Variants in SIN3A observed in about 807,000 individuals in gnomAD.
SIN3A encodes the protein paired amphipathic helix protein Sin3a.
A neutral mutation model predicts 146.1 loss-of-function variants in SIN3A; 14 were observed. The observed-to-expected ratio is 0.10, with a 90% confidence interval of 0.06 to 0.15. The LOEUF is 0.15. Ranked by LOEUF, SIN3A falls within the 10% of genes least tolerant of loss-of-function variation. The pLI, the probability that SIN3A is intolerant of heterozygous loss-of-function variation, is 1.00. For synonymous variants in SIN3A, 572 were observed against 572.0 expected (o/e 1.00, Z 0.00); for missense variants, 1,028 against 1,576.0 (o/e 0.65, Z 5.89).
At chr15:75,401,552 A>G (rs1033507417) in intron 10 of SIN3A, among the ~76,000 whole-genome samples, 1 of 152,068 alleles carries the variant, frequency 6.6e-6, no homozygotes, top group African/African-American at 2.4e-5. Context: ...AAATAATAAT[A>G]ATAATTTTTA....
intron 1 of SIN3A, among the ~76,000 whole-genome samples, chr15:75,446,563 C>T (rs1369688532): frequency 6.6e-6 from 1 of 151,876 alleles, no homozygotes; most frequent in Non-Finnish European, 1.5e-5. Flanking sequence ...ACAGTCATGG[C>T]TCACTGCAGC....
rs370930119 is a variant in SIN3A, at chr15:75,372,820, C to CAAA, written c.3592-614_3592-612dup. On this transcript the variant is annotated intron_variant, in intron 20 of 20. Coordinates refer to ENST00000394947, the MANE Select transcript of SIN3A (RefSeq NM_001145358.2). The stretch of plus-strand genomic sequence containing the variant: ...AGATGACAGAGCCAAACCCTGTCTC[C>CAAA]AAAAAAAAAAAAAAAAAAAACCCAA... Among the ~76,000 whole-genome samples the CAAA allele has an allele frequency of 3.4e-3, 273 of 79,504 alleles. 1 individual carries two copies. The highest frequency in any genetic ancestry group is 4.9e-3 in the Non-Finnish European group (215 of 44,242). The allele number at this position is 79,504 out of a possible 152,430, so 52.2% of individuals were successfully genotyped here. A position where few individuals can be genotyped will look rare whatever the true frequency, so the allele number is the denominator to read the frequency against.
At chr15:75,429,639 T>G (rs533778706) in intron 2 of SIN3A, among the ~76,000 whole-genome samples, 7 of 152,314 alleles carry the variant, frequency 4.6e-5, no homozygotes, top group Non-Finnish European at 1.0e-4. Flanking sequence ...GAATTGCCAC[T>G]GAGTGCACTA....
At chr15:75,440,210 T>A (rs544514295) in intron 1 of SIN3A, among the ~76,000 whole-genome samples, 1 of 152,130 alleles carries the variant, frequency 6.6e-6, no homozygotes, top group South Asian at 2.1e-4. Flanking sequence ...TACTTACTAT[T>A]TTAACAAGAA....
At chr15:75,414,659 GTAGCCCCTCGTC>G (rs756337608) in intron 3 of SIN3A, among the ~76,000 whole-genome samples, 9 of 152,184 alleles carry the variant, frequency 5.9e-5, no homozygotes, top group Non-Finnish European at 1.0e-4. Flanking sequence ...CAAATAATTT[GTAGCCCCTCGTC>G]TATAGACATT....
intron 1 of SIN3A, among the ~76,000 whole-genome samples, chr15:75,441,848 G>C (rs1017799037): frequency 6.6e-6 from 1 of 151,958 alleles, no homozygotes; most frequent in African/African-American, 2.4e-5. Context: ...CAGGCTGAGC[G>C]TGTGGCTCTT....
intron 2 of SIN3A, among the ~76,000 whole-genome samples, chr15:75,427,563 G>A (rs2073946598): frequency 6.6e-6 from 1 of 152,034 alleles, no homozygotes; most frequent in Admixed American, 6.6e-5. Flanking sequence ...GGGAGGCTGA[G>A]GCAAGAGAAT....
At chr15:75,402,788 C>T (rs2073435902) in intron 9 of SIN3A, among the ~76,000 whole-genome samples, 1 of 151,982 alleles carries the variant, frequency 6.6e-6, no homozygotes, top group African/African-American at 2.4e-5. Context: ...GCATGTGCTA[C>T]TACACCCGGA....
At chr15:75,426,907 G>T (rs1322921567) in intron 2 of SIN3A, among the ~76,000 whole-genome samples, 2 of 152,058 alleles carry the variant, frequency 1.3e-5, no homozygotes, top group Admixed American at 6.6e-5. Flanking sequence ...CTTCCAGCCT[G>T]GGCGAGAGTG....
upstream of SIN3A, chr15:75,455,011 G>A (rs1376655149): frequency 6.6e-6 from 1 of 151,988 alleles, no homozygotes; most frequent in Non-Finnish European, 1.5e-5. Context: ...CTAGCGGCGA[G>A]GCGCAGGGGC....
chr15:75,442,144 A>AAAAC (rs2074225576), intron 1 of SIN3A, among the ~76,000 whole-genome samples: 1 of 149,172 alleles, frequency 6.7e-6, no homozygotes, highest in Non-Finnish European at 1.5e-5. Context: ...AAAAAAAAAA[A>AAAAC]AAAAAAAAAC....
At chr15:75,410,910 G>A (rs1157511671) in intron 6 of SIN3A, among the ~76,000 whole-genome samples, 1 of 150,888 alleles carries the variant, frequency 6.6e-6, no homozygotes, top group African/African-American at 2.4e-5. Flanking sequence ...GGGAGGTAGA[G>A]GCTGCAGTGA....
intron 4 of SIN3A, among the ~76,000 whole-genome samples, chr15:75,413,804 C>A (rs951699495): frequency 6.6e-5 from 10 of 152,162 alleles, no homozygotes; most frequent in African/African-American, 2.4e-4. Context: ...AGCTACATAT[C>A]CCAAACAAGA....
chr15:75,434,712 G>A (rs1031611852), intron 1 of SIN3A, among the ~76,000 whole-genome samples: 5 of 151,446 alleles, frequency 3.3e-5, no homozygotes, highest in Admixed American at 1.3e-4. Context: ...ACTTTGGTTC[G>A]CCGAGGCGAG....
In SIN3A at chr15:75,410,316, T is replaced by G. The variant is rs12592073; in HGVS notation, c.1009-30A>C. 2,512 of 1,608,048 alleles carry G rather than the reference T, an allele frequency of 1.6e-3. 37 individuals carry two copies. The African/African-American group carries it at 0.026, about 16-fold the overall frequency. On this transcript the variant is annotated intron_variant, in intron 6 of 20. Coordinates refer to ENST00000394947, the MANE Select transcript of SIN3A (RefSeq NM_001145358.2). Reference sequence around the variant, plus strand: ...GGAATTGCAAATGAAAAGAGATCATTTGGGCTACTGTTTTGAGTCACTCAT... The same window carrying G: ...GGAATTGCAAATGAAAAGAGATCATGTGGGCTACTGTTTTGAGTCACTCAT...
chr15:75,400,289 C>G, intron 11 of SIN3A, 133 bp from the exon 12 acceptor site: 2 of 593,226 alleles, frequency 3.4e-6, no homozygotes, highest in Non-Finnish European at 6.0e-6. Context: ...TCACCTTTAG[C>G]AAGTTTACAA....
chr15:75,414,572 CATTT>C (rs1454684489), intron 3 of SIN3A, among the ~76,000 whole-genome samples: 1 of 152,144 alleles, frequency 6.6e-6, no homozygotes, highest in Non-Finnish European at 1.5e-5. Flanking sequence ...AATGATATAT[CATTT>C]ATTAATTCAT....
chr15:75,432,989 CA>C (rs1371248686), intron 1 of SIN3A, among the ~76,000 whole-genome samples: 1 of 151,982 alleles, frequency 6.6e-6, no homozygotes, highest in Non-Finnish European at 1.5e-5. Flanking sequence ...TTGCAGTGAG[CA>C]AATTCGCACC....
intron 17 of SIN3A, among the ~76,000 whole-genome samples, chr15:75,382,948 A>G (rs2073002508): frequency 6.6e-6 from 1 of 152,076 alleles, no homozygotes; most frequent in South Asian, 2.1e-4. Context: ...CAAGCTGGCC[A>G]TGGTGGCACG....
Sources: gnomAD v4.1 joint callset for allele counts (sites outside exome capture counted in the v4.1 genomes callset) on GRCh38, gnomAD v4.1.1 for gene constraint, MANE v1.5 for transcripts, NCBI Gene and HGNC (gene_info 2026-07-23, HGNC 2026-07-21) for gene names.